CREBBP: variants seen among roughly 807,000 people sequenced by gnomAD.
CREBBP encodes CREB-binding protein.
CREBBP carries 19 observed loss-of-function variants against 265.0 expected under a neutral mutation model. That is an observed-to-expected ratio of 0.07 (90% CI 0.05 to 0.11). The LOEUF is 0.11. CREBBP is among the 10% of genes least tolerant of loss of function. CREBBP has a pLI of 1.00. For synonymous variants in CREBBP, 1,457 were observed against 1,223.7 expected, an observed-to-expected ratio of 1.19 and a Z score of -3.98; for missense variants, 2,525 against 3,219.0, an observed-to-expected ratio of 0.78 and a Z score of 5.22.
At chr16:3,789,539 T>A (rs1418880703) in intron 5 of CREBBP, among the ~76,000 whole-genome samples, 1 of 152,184 alleles carries the variant, frequency 6.6e-6, no homozygotes, top group Non-Finnish European at 1.5e-5. Flanking sequence ...ACATATATAT[T>A]GTCTTCAAAA....
chr16:3,767,812 G>A lies in CREBBP; in HGVS notation c.3158C>T (p.Pro1053Leu), dbSNP rs142008620. 565 of 1,614,100 alleles carry A rather than the reference G, an allele frequency of 3.5e-4. 5 individuals carry two copies. The highest frequency in any genetic ancestry group is 2.6e-3 in the Middle Eastern group (16 of 6,062). Residue 1053 changes from proline to leucine, a missense_variant, in exon 16 of 31, where the codon CCT becomes CTT. Physicochemically the swap from Pro to Leu is moderately conservative, Grantham distance 98. Coordinates refer to ENST00000262367, the MANE Select transcript of CREBBP (RefSeq NM_004380.3). Reference protein sequence around the residue: ...SEPMEVDEKKPEVKVEVKEEE... With the variant: ...SEPMEVDEKKLEVKVEVKEEE... The stretch of plus-strand genomic sequence containing the variant: ...CTCTTTAACTTCTACTTTCACTTCA[G>A]GTTTCTTTTCATCCACTTCCATTGG...
intron 2 of CREBBP, among the ~76,000 whole-genome samples, chr16:3,828,121 C>G (rs2054274524): frequency 6.6e-6 from 1 of 151,946 alleles, no homozygotes; most frequent in South Asian, 2.1e-4. Context: ...GACAGAGTCT[C>G]TCGCTCTGTC....
intron 1 of CREBBP, among the ~76,000 whole-genome samples, chr16:3,859,339 C>A (rs1353763332): frequency 1.3e-5 from 2 of 152,034 alleles, no homozygotes; most frequent in African/African-American, 4.8e-5. Flanking sequence ...ATTACAGGCG[C>A]ATACCACCAC....
At chr16:3,841,796 T>C (rs2054571573) in intron 2 of CREBBP, among the ~76,000 whole-genome samples, 1 of 152,238 alleles carries the variant, frequency 6.6e-6, no homozygotes, top group South Asian at 2.1e-4. Context: ...GTGTGGTCCC[T>C]GACCACCACA....
intron 3 of CREBBP, among the ~76,000 whole-genome samples, chr16:3,798,907 T>G (rs564326974): frequency 6.6e-6 from 1 of 152,246 alleles, no homozygotes; most frequent in Admixed American, 6.5e-5. Context: ...CTTTTACAAA[T>G]AGCCAAAAAG....
chr16:3,852,167 T>TG (rs1463815959), intron 1 of CREBBP, among the ~76,000 whole-genome samples: 15 of 110,678 alleles, frequency 1.4e-4, no homozygotes, highest in African/African-American at 4.3e-4. Flanking sequence ...GTTTTTTTTT[T>TG]TTTTTTTTTT....
chr16:3,814,261 GTGTGTGTGTT>G, intron 2 of CREBBP, among the ~76,000 whole-genome samples: 1 of 131,358 alleles, frequency 7.6e-6, no homozygotes, highest in Non-Finnish European at 1.6e-5. Context: ...GTGTGTGTGT[GTGTGTGTGTT>G]TGAGACAGAG....
chr16:3,735,902 G>A, intron 28 of CREBBP, 134 bp downstream of exon 28: 1 of 1,380,516 alleles, frequency 7.2e-7, no homozygotes, highest in Non-Finnish European at 1.0e-6. Flanking sequence ...TGTGCTGCAG[G>A]TGGTGTCGAC....
chr16:3,835,889 T>G (rs2054438783), intron 2 of CREBBP, among the ~76,000 whole-genome samples: 1 of 151,884 alleles, frequency 6.6e-6, no homozygotes, highest in East Asian at 2.0e-4. Flanking sequence ...AGAAGATTTA[T>G]TCTTAATAGC....
At chr16:3,853,893 C>T (rs1006744335) in intron 1 of CREBBP, among the ~76,000 whole-genome samples, 5 of 151,936 alleles carry the variant, frequency 3.3e-5, no homozygotes, top group East Asian at 1.9e-4. Flanking sequence ...ACTGAGATAT[C>T]GCCATTGCAC....
At position 3,729,273 on chromosome 16, in the gene CREBBP, G is replaced by A. The variant is rs2051844824; in HGVS notation, c.5774C>T (p.Ala1925Val). The A allele has an allele frequency of 6.5e-7, 1 of 1,531,840 alleles. No homozygotes were observed. The highest frequency in any genetic ancestry group is 8.7e-7 in the Non-Finnish European group (1 of 1,143,676). 94.9% of individuals were successfully genotyped at this position (1,531,840 alleles called of 1,614,324 possible). Reference protein sequence around the residue: ...SMSPAGFPSVARTQPPTTVST... With the variant: ...SMSPAGFPSVVRTQPPTTVST... Reference sequence around the variant, plus strand: ...CACCGTGGTGGGGGGCTGAGTCCGGGCCACGCTGGGGAAGCCAGCTGGTGA... The same window carrying A: ...CACCGTGGTGGGGGGCTGAGTCCGGACCACGCTGGGGAAGCCAGCTGGTGA... The change falls in exon 31 of 31, where the codon GCC becomes GTC. Residue 1925 changes from alanine (A) to valine (V), a missense_variant. Around this residue, in one of 19 missense-constraint regions of CREBBP, gnomAD observed 275 missense variants for 276.5 expected, o/e 0.99. Coordinates refer to ENST00000262367, the MANE Select transcript of CREBBP (RefSeq NM_004380.3).
intron 2 of CREBBP, among the ~76,000 whole-genome samples, chr16:3,844,805 G>A (rs987564220): frequency 6.6e-6 from 1 of 152,044 alleles, no homozygotes; most frequent in Admixed American, 6.6e-5. Context: ...TATTAAAATA[G>A]CCAGTTAGAT....
rs763431383 is a variant in CREBBP at position 3,751,767 on chromosome 16, G to A, written c.3738C>T (p.Gly1246=). The change falls in exon 20 of 31, where the codon GGC becomes GGT. Residue 1246 remains glycine, a synonymous_variant. Coordinates refer to ENST00000262367, the MANE Select transcript of CREBBP (RefSeq NM_004380.3). ...FCEKCFTEIQ[G]ENVTLGDDPS... is the part of the protein sequence containing the mutation. ...GGTCGTCACCCAGGGTCACATTCTC[G>A]CCCTGGATCTCTGTGAAACACTTCT... 8.7e-6 allele frequency: 14 copies of A among 1,614,066 alleles called. No homozygotes were observed. The highest frequency in any genetic ancestry group is 1.6e-4 in the Middle Eastern group (1 of 6,062).
intron 3 of CREBBP, among the ~76,000 whole-genome samples, chr16:3,794,474 G>A (rs1392198341): frequency 2.0e-5 from 3 of 151,506 alleles, no homozygotes; most frequent in Non-Finnish European, 2.9e-5. Flanking sequence ...AGGACAATGC[G>A]TGCAGCTTGA....
At chr16:3,803,797 G>A (rs111242494) in intron 3 of CREBBP, among the ~76,000 whole-genome samples, 59 of 151,628 alleles carry the variant, frequency 3.9e-4, no homozygotes, top group Admixed American at 5.2e-4. Flanking sequence ...AACCTATAAG[G>A]TGGCCGGGAG....
intron 5 of CREBBP, among the ~76,000 whole-genome samples, chr16:3,791,728 G>A (rs1361613587): frequency 2.0e-5 from 3 of 152,212 alleles, no homozygotes; most frequent in Non-Finnish European, 2.9e-5. Flanking sequence ...GCTGCTTCAA[G>A]TGCATGTATG....
chr16:3,825,244 T>TC (rs1162420797), intron 2 of CREBBP, among the ~76,000 whole-genome samples: 2 of 152,242 alleles, frequency 1.3e-5, no homozygotes, highest in Non-Finnish European at 2.9e-5. Flanking sequence ...AGTTCATTCT[T>TC]CATTACTTGG....
chr16:3,736,502 T>A, intron 27 of CREBBP, 148 bp downstream of exon 27: 1 of 1,216,222 alleles, frequency 8.2e-7, no homozygotes, highest in Non-Finnish European at 1.2e-6. Flanking sequence ...AAAATGCTTC[T>A]AAGTTCTCAC....
At chr16:3,825,068 G>A (rs1336639451) in intron 2 of CREBBP, among the ~76,000 whole-genome samples, 15 of 152,156 alleles carry the variant, frequency 9.9e-5, no homozygotes, top group Non-Finnish European at 1.5e-4. Flanking sequence ...ACATGAGACA[G>A]GATTCTATAA....
Sources: gnomAD v4.1 joint callset for allele counts (sites outside exome capture counted in the v4.1 genomes callset) on GRCh38, gnomAD v4.1.1 for gene constraint, gnomAD v4.1.1 regional missense constraint, MANE v1.5 for transcripts, NCBI Gene and HGNC (gene_info 2026-07-23, HGNC 2026-07-21) for gene names.